Variants in SORD observed in about 807,000 individuals in gnomAD.
SORD encodes sorbitol dehydrogenase.
In SORD, 18 loss-of-function variants were observed where a neutral mutation model predicts 35.6. That is an observed-to-expected ratio of 0.51 (90% CI 0.35 to 0.75). SORD has a LOEUF of 0.75. SORD is among the 30% of genes least tolerant of loss of function. The pLI, the probability that SORD is intolerant of heterozygous loss-of-function variation, is 0.01. For missense variants in SORD, 250 were observed against 390.2 expected (o/e 0.64, Z 3.03); for synonymous variants, 106 against 152.9 (o/e 0.69, Z 2.26).
intron 4 of SORD, among the ~76,000 whole-genome samples, chr15:45,063,562 C>G (rs2082990): frequency 6.8e-6 from 1 of 147,484 alleles, no homozygotes; most frequent in African/African-American, 2.7e-5. Flanking sequence ...CTTTCCAACA[C>G]GGTTGGCTGT....
chr15:45,030,337 A>AG (rs1892756102), intron 1 of SORD, among the ~76,000 whole-genome samples: 2 of 149,956 alleles, frequency 1.3e-5, no homozygotes, highest in African/African-American at 5.0e-5. Flanking sequence ...TCTCTTTAAA[A>AG]CTGCACAACA....
At chr15:45,050,840 T>C (rs950717286) in intron 3 of SORD, among the ~76,000 whole-genome samples, 1 of 152,220 alleles carries the variant, frequency 6.6e-6, no homozygotes, top group African/African-American at 2.4e-5. Flanking sequence ...AAGCTGTAGA[T>C]AGCTCAAAAG....
At chr15:45,040,533 A>C in intron 2 of SORD, 92 bp downstream of exon 2, 1 of 979,906 alleles carries the variant, frequency 1.0e-6, no homozygotes, top group Non-Finnish European at 1.6e-6. Context: ...TCTCTTTTCC[A>C]ACTGTTTATT....
At chr15:45,025,544 G>A (rs1288399654) in intron 1 of SORD, among the ~76,000 whole-genome samples, 1 of 150,856 alleles carries the variant, frequency 6.6e-6, no homozygotes, top group Non-Finnish European at 1.5e-5. Context: ...GCTGAGAATC[G>A]CTTGAGTCTG....
At chr15:45,035,468 G>C (rs1036056063) in intron 1 of SORD, among the ~76,000 whole-genome samples, 1 of 152,072 alleles carries the variant, frequency 6.6e-6, no homozygotes. Flanking sequence ...CTAATCTGGG[G>C]GGGAGGTGGA....
rs539682395 is a variant in SORD at position 45,040,435 on chromosome 15, C to G, written c.94C>G (p.Pro32Ala). 4.0e-4 allele frequency: 628 copies of G among 1,584,882 alleles called. 7 individuals are homozygous for G. In the South Asian group the frequency reaches 6.6e-3, roughly 17 times the overall value. The stretch of plus-strand genomic sequence containing the variant: ...GAACTATCCTATCCCTGAACCAGGC[C>G]CAAATGGTAAGTTCTTGGGAAACAT... ...LENYPIPEPGPNEVLLRMHSV... is the reference protein window; with the variant it reads ...LENYPIPEPGANEVLLRMHSV... The change falls in exon 2 of 9, where the codon CCA (proline) becomes GCA (alanine). Residue 32 changes from proline (P) to alanine (A), a missense_variant. Physicochemically the swap from Pro to Ala is conservative, Grantham distance 27. Coordinates refer to ENST00000267814, the MANE Select transcript of SORD (RefSeq NM_003104.6).
At chr15:45,025,566 T>C (rs1892655351) in intron 1 of SORD, among the ~76,000 whole-genome samples, 1 of 150,692 alleles carries the variant, frequency 6.6e-6, no homozygotes, top group Non-Finnish European at 1.5e-5. Flanking sequence ...GAGTCAGAGA[T>C]TGCAATGAAC....
At chr15:45,025,617 A>T (rs1892655936) in intron 1 of SORD, among the ~76,000 whole-genome samples, 2 of 147,448 alleles carry the variant, frequency 1.4e-5, no homozygotes, top group South Asian at 4.4e-4. Flanking sequence ...TGACAGCAAA[A>T]CTATGTCAAA....
chr15:45,050,297 G>A (rs1376707684), intron 3 of SORD, among the ~76,000 whole-genome samples: 1 of 152,148 alleles, frequency 6.6e-6, no homozygotes, highest in African/African-American at 2.4e-5. Context: ...TAGCCAGGAT[G>A]GTCTCGATCT....
chr15:45,067,498 C>A (rs1264473136), intron 5 of SORD, among the ~76,000 whole-genome samples: 1 of 152,152 alleles, frequency 6.6e-6, no homozygotes, highest in African/African-American at 2.4e-5. Flanking sequence ...TCTGAGGGAG[C>A]TCACAAAATT....
intron 3 of SORD, among the ~76,000 whole-genome samples, chr15:45,049,982 T>A (rs189977134): frequency 6.6e-6 from 1 of 152,394 alleles, no homozygotes; most frequent in Non-Finnish European, 1.5e-5. Flanking sequence ...GTCTTATACT[T>A]GGCCTGATTA....
intron 2 of SORD, among the ~76,000 whole-genome samples, chr15:45,041,124 T>C (rs1304249213): frequency 6.6e-6 from 1 of 152,210 alleles, no homozygotes; most frequent in Non-Finnish European, 1.5e-5. Context: ...AGGTGGCATC[T>C]GCAACTTCCC....
chr15:45,069,270 G>C lies in SORD; in HGVS notation c.786+218G>C, dbSNP rs528587459. On this transcript the variant is annotated intron_variant, in intron 7 of 8. Coordinates refer to ENST00000267814, the MANE Select transcript of SORD (RefSeq NM_003104.6). ...CGCCCAGGCTGGAGTGCCGTGGCTC[G>C]ATCTCAGCTAACTGCAAGCTCCGCC... Among the ~76,000 whole-genome samples, 23 of 131,146 alleles carry C rather than the reference G, an allele frequency of 1.8e-4. No homozygotes were observed. The East Asian group carries it at 3.2e-3, about 18-fold the overall frequency. 86.0% of individuals were successfully genotyped at this position (131,146 alleles called of 152,430 possible). A position where few individuals can be genotyped will look rare whatever the true frequency, so the allele number is the denominator to read the frequency against.
chr15:45,050,687 T>G (rs903961016), intron 3 of SORD: 12 of 152,224 alleles, frequency 7.9e-5, no homozygotes, highest in Non-Finnish European at 1.6e-4. Context: ...AGAAGATGGA[T>G]TCTTACTGCG....
At chr15:45,028,441 T>G (rs1892715548) in intron 1 of SORD, among the ~76,000 whole-genome samples, 2 of 152,268 alleles carry the variant, frequency 1.3e-5, no homozygotes, top group Non-Finnish European at 2.9e-5. Flanking sequence ...TTTATCTCCC[T>G]TCTTCCTGAA....
intron 1 of SORD, among the ~76,000 whole-genome samples, chr15:45,038,371 T>C (rs974762590): frequency 2.0e-5 from 3 of 152,176 alleles, no homozygotes; most frequent in African/African-American, 7.2e-5. Context: ...TGTAGGGTTT[T>C]TCCGAGTATT....
rs1892619781 is a variant in SORD, at chr15:45,023,356, T to C, written c.66+7T>C. ...ACCGGGGGACTTGCGCCTGGTAAGC[T>C]GGGAAGGAGGGTGGGAAGCATACCG... On this transcript the variant is annotated splice_region_variant and intron_variant, in intron 1 of 8. Transcript: ENST00000267814. 2 of 1,568,068 alleles carry C rather than the reference T, an allele frequency of 1.3e-6. No individual in the cohort carries two copies. Among genetic ancestry groups the C allele is most frequent in the African/African-American group, 2.8e-5 (2 of 72,544 alleles).
chr15:45,057,433 A>G (rs1033879807), intron 3 of SORD, among the ~76,000 whole-genome samples: 1 of 152,252 alleles, frequency 6.6e-6, no homozygotes, highest in Non-Finnish European at 1.5e-5. Flanking sequence ...ATCCAAGCAT[A>G]ATTGTTAAGA....
intron 1 of SORD, among the ~76,000 whole-genome samples, chr15:45,029,731 G>A (rs1048354470): frequency 8.5e-5 from 13 of 152,372 alleles, no homozygotes; most frequent in African/African-American, 2.9e-4. Flanking sequence ...ATGAGGTCAC[G>A]CAGATGATTG....
Sources: gnomAD v4.1 joint callset for allele counts (sites outside exome capture counted in the v4.1 genomes callset) on GRCh38, gnomAD v4.1.1 for gene constraint, MANE v1.5 for transcripts, NCBI Gene and HGNC (gene_info 2026-07-23, HGNC 2026-07-21) for gene names.